GIMAP8: variants seen among roughly 807,000 people sequenced by gnomAD.
GIMAP8 encodes GTPase, IMAP family member 8.
In GIMAP8, 29 loss-of-function variants were observed where a neutral mutation model predicts 35.6. That is an observed-to-expected ratio of 0.81 (90% CI 0.61 to 1.11). The LOEUF is 1.11. GIMAP8 is among the 50% of genes most tolerant of loss of function. GIMAP8 has a pLI of 0.00. For missense variants in GIMAP8, 811 were observed against 805.0 expected, an observed-to-expected ratio of 1.01 and a Z score of -0.09; for synonymous variants, 335 against 308.7, an observed-to-expected ratio of 1.09 and a Z score of -0.89.
intron 1 of GIMAP8, among the ~76,000 whole-genome samples, chr7:150,458,152 G>T (rs1011119584): frequency 6.6e-6 from 1 of 152,214 alleles, no homozygotes; most frequent in Non-Finnish European, 1.5e-5. Context: ...GTGTGTGTGT[G>T]TGTGTGTATG....
At position 150,474,262 on chromosome 7, in the gene GIMAP8, C is replaced by A. The variant is rs1802170433; in HGVS notation, c.933C>A (p.Asn311Lys). The A allele has an allele frequency of 6.2e-7, 1 of 1,614,064 alleles. No individual in the cohort carries two copies. Among genetic ancestry groups the A allele is most frequent in the Admixed American group, 1.7e-5 (1 of 59,996 alleles). The change falls in exon 4 of 5, where the codon AAC becomes AAA. Residue 311 changes from asparagine (N) to lysine (K), a missense_variant. Physicochemically the swap from Asn to Lys is moderately conservative, Grantham distance 94. Coordinates refer to ENST00000307271, the MANE Select transcript of GIMAP8 (RefSeq NM_175571.4). ...IDAPDISSLK[N>K]IDSEVRKHIC... is the part of the protein sequence containing the mutation. ...CTCCGGACATCTCATCTTTAAAGAA[C>A]ATTGACTCAGAAGTTAGAAAACACA...
Position 150,477,603 on chromosome 7 carries a change from C to A in GIMAP8, c.1821C>A (p.Gly607=), listed in dbSNP as rs765406681. ...RVCAFNNKET[G]QAQETQVKAL... is the part of the protein sequence containing the mutation. ...GTGCTTTTAACAACAAAGAAACAGGCCAGGCCCAGGAAACCCAGGTGAAAG... is the reference window on the plus strand; with the variant it reads ...GTGCTTTTAACAACAAAGAAACAGGACAGGCCCAGGAAACCCAGGTGAAAG... Residue 607 remains glycine (G), a synonymous_variant, in exon 5 of 5, where the codon GGC becomes GGA. Coordinates refer to ENST00000307271, the MANE Select transcript of GIMAP8 (RefSeq NM_175571.4). 1 of 1,614,158 alleles carries A rather than the reference C, an allele frequency of 6.2e-7. No individual in the cohort carries two copies. The highest frequency in any genetic ancestry group is 8.5e-7 in the Non-Finnish European group (1 of 1,180,034).
chr7:150,452,949 C>T (rs1210851933), intron 1 of GIMAP8, among the ~76,000 whole-genome samples: 1 of 151,262 alleles, frequency 6.6e-6, no homozygotes, highest in Non-Finnish European at 1.5e-5. Context: ...CTCCTGTGAT[C>T]GTTCATTCCT....
intron 1 of GIMAP8, 70 bp from the exon 2 acceptor site, chr7:150,466,601 T>C (rs959648938): frequency 2.9e-6 from 4 of 1,368,456 alleles, no homozygotes; most frequent in Non-Finnish European, 4.0e-6. Context: ...AGAGAATGTC[T>C]TTTCTTGCTG....
At chr7:150,467,634 T>C (rs975431147) in intron 2 of GIMAP8, among the ~76,000 whole-genome samples, 2 of 152,214 alleles carry the variant, frequency 1.3e-5, no homozygotes, top group African/African-American at 4.8e-5. Flanking sequence ...CTGACTTCAA[T>C]ATAATTGCCC....
chr7:150,474,718 CTTT>C (rs567749757), intron 4 of GIMAP8, 80 bp downstream of exon 4: 25 of 887,782 alleles, frequency 2.8e-5, no homozygotes, highest in Non-Finnish European at 3.8e-5. Flanking sequence ...TTTTTATTTT[CTTT>C]TTTTTCTTTT....
intron 4 of GIMAP8, among the ~76,000 whole-genome samples, chr7:150,475,754 G>C (rs1802214734): frequency 1.3e-5 from 2 of 152,216 alleles, no homozygotes. Flanking sequence ...GTCAGGAGAG[G>C]CTTTGTGTAG....
chr7:150,474,433 T>A lies in GIMAP8; in HGVS notation c.1104T>A (p.Asp368Glu). 6.2e-7 allele frequency: 1 copy of A among 1,613,578 alleles called. No individual in the cohort carries two copies. Among genetic ancestry groups the A allele is most frequent in the Non-Finnish European group, 8.5e-7 (1 of 1,179,586 alleles). ...YMIILLTRKE[D>E]LGDQDLDTFL... ...TCATACTTCTTACCAGGAAAGAAGA[T>A]TTAGGGGATCAGGATCTAGATACGT... Residue 368 changes from aspartate to glutamate, a missense_variant, in exon 4 of 5, where the codon GAT (aspartate) becomes GAA (glutamate). By Grantham distance (45) the Asp-to-Glu change is conservative. Coordinates refer to ENST00000307271, the MANE Select transcript of GIMAP8 (RefSeq NM_175571.4).
In GIMAP8 at chr7:150,474,261, A is replaced by G. The variant is rs1172539544; in HGVS notation, c.932A>G (p.Asn311Ser). Residue 311 changes from asparagine (N) to serine (S), a missense_variant, in exon 4 of 5, where the codon AAC becomes AGC. Physicochemically the swap from Asn to Ser is conservative, Grantham distance 46 (BLOSUM62 1). Coordinates refer to ENST00000307271, the MANE Select transcript of GIMAP8 (RefSeq NM_175571.4). ...GCTCCGGACATCTCATCTTTAAAGAACATTGACTCAGAAGTTAGAAAACAC... is the reference window on the plus strand; with the variant it reads ...GCTCCGGACATCTCATCTTTAAAGAGCATTGACTCAGAAGTTAGAAAACAC... The part of the protein sequence containing the change: ...IDAPDISSLK[N>S]IDSEVRKHIC... 6.2e-7 allele frequency: 1 copy of G among 1,614,088 alleles called. No homozygotes were observed. The highest frequency in any genetic ancestry group is 1.3e-5 in the African/African-American group (1 of 74,930).
rs545430905 is a variant in GIMAP8 at position 150,472,989 on chromosome 7, C to T, written c.683-1023C>T. ...TTTCCTTTAGTCTTTTCAACCTCAA[C>T]GTGGGCATTAGATTCCCATTCTACC... On this transcript the variant is annotated intron_variant, in intron 3 of 4. Coordinates refer to ENST00000307271, the MANE Select transcript of GIMAP8 (RefSeq NM_175571.4). The surrounding 1 kb of genome is among the most constrained non-coding windows in gnomAD (Gnocchi z 4.1). Among the ~76,000 whole-genome samples the T allele has an allele frequency of 5.9e-4, 90 of 152,312 alleles. No homozygotes were observed. Among genetic ancestry groups the T allele is most frequent in the African/African-American group, 2.1e-3 (87 of 41,556 alleles).
chr7:150,474,616 G>T lies in GIMAP8; in HGVS notation c.1287G>T (p.Lys429Asn). 6.3e-7 allele frequency: 1 copy of T among 1,596,456 alleles called. No homozygotes were observed. The highest frequency in any genetic ancestry group is 8.5e-7 in the Non-Finnish European group (1 of 1,174,482). ...GCATGGTGCATCAGAATGGGAACAA[G>T]CATTGTGTTTTCAGAGAAAAAGGTA... ...IESMVHQNGN[K>N]HCVFREKETL... is the part of the protein sequence containing the mutation. Residue 429 changes from lysine to asparagine, a missense_variant, in exon 4 of 5, where the codon AAG becomes AAT. By Grantham distance (94) the Lys-to-Asn change is moderately conservative (BLOSUM62 0). Coordinates refer to ENST00000307271, the MANE Select transcript of GIMAP8 (RefSeq NM_175571.4).
rs1280141499 is a variant in GIMAP8, at chr7:150,477,396, T to G, written c.1614T>G (p.Thr538=). The G allele has an allele frequency of 2.2e-5, 35 of 1,614,068 alleles. No individual in the cohort carries two copies. The highest frequency in any genetic ancestry group is 2.9e-5 in the Non-Finnish European group (34 of 1,180,044). Residue 538 remains threonine, a synonymous_variant, in exon 5 of 5, where the codon ACT becomes ACG. Transcript: ENST00000307271. ...TGGTGTTCCAGCTGGGACGATTCAC[T>G]GAAGAGGACAAAACAGCTGTGGCGA... ...FVLVFQLGRF[T]EEDKTAVAKL...
chr7:150,452,319 A>T (rs114727823), intron 1 of GIMAP8, among the ~76,000 whole-genome samples: 1 of 150,272 alleles, frequency 6.7e-6, no homozygotes, highest in Non-Finnish European at 1.5e-5. Context: ...GCGTGTGTGT[A>T]TGTGGGTGTG....
rs1289907167 is a variant in GIMAP8, at chr7:150,468,935, C to T, written c.636+1601C>T. On this transcript the variant is annotated intron_variant, in intron 2 of 4. Transcript: ENST00000307271. Reference sequence around the variant, plus strand: ...GCTCTCTTATCTCCTAGCCTGAGTGCTCCCTCCTCTGTGACAATCTGTCTC... The same window carrying T: ...GCTCTCTTATCTCCTAGCCTGAGTGTTCCCTCCTCTGTGACAATCTGTCTC... Among the ~76,000 whole-genome samples the T allele has an allele frequency of 5.9e-5, 9 of 152,114 alleles. No homozygotes were observed. In the East Asian group the frequency reaches 9.6e-4, roughly 16 times the overall value.
rs775167659 is a variant in GIMAP8 at position 150,477,461 on chromosome 7, C to A, written c.1679C>A (p.Ala560Glu). 5 of 1,614,000 alleles carry A rather than the reference C, an allele frequency of 3.1e-6. No homozygotes were observed. Among genetic ancestry groups the A allele is most frequent in the Non-Finnish European group, 4.2e-6 (5 of 1,179,922 alleles). ...TTTGGAGCAGACTTTACGAAATACG[C>A]GATTATGCTGTTCACCCGGAAGGAA... ...AIFGADFTKYAIMLFTRKEDL... is the reference protein window; with the variant it reads ...AIFGADFTKYEIMLFTRKEDL... Residue 560 changes from alanine to glutamate, a missense_variant, in exon 5 of 5, where the codon GCG (alanine) becomes GAG (glutamate). Physicochemically the swap from Ala to Glu is moderately radical, Grantham distance 107. Transcript: ENST00000307271.
intron 4 of GIMAP8, 57 bp from the exon 5 acceptor site, chr7:150,477,035 A>G: frequency 7.1e-7 from 1 of 1,401,926 alleles, no homozygotes; most frequent in Non-Finnish European, 9.9e-7. Flanking sequence ...GGATAACTTT[A>G]AAATCCAATT....
intron 4 of GIMAP8, 47 bp from the exon 5 acceptor site, chr7:150,477,045 T>G: frequency 6.8e-7 from 1 of 1,466,250 alleles, no homozygotes; most frequent in South Asian, 1.2e-5. Flanking sequence ...AAAATCCAAT[T>G]TCAGATCAGC....
Position 150,467,154 on chromosome 7 carries a change from A to G in GIMAP8, c.456A>G (p.Lys152=). The G allele has an allele frequency of 6.2e-7, 1 of 1,614,112 alleles. No homozygotes were observed. The highest frequency in any genetic ancestry group is 1.1e-5 in the South Asian group (1 of 91,072). The change falls in exon 2 of 5, where the codon AAA becomes AAG. Residue 152 remains lysine (K), a synonymous_variant. Transcript: ENST00000307271. ...DLLQDFIEKN[K]PLKQLVQDYE... ...TGCAAGATTTCATTGAAAAAAACAA[A>G]CCTCTCAAGCAGTTGGTTCAAGACT...
chr7:150,477,242 AGGAGGT>A lies in GIMAP8; in HGVS notation c.1463_1468del (p.Glu488_Val489del). On this transcript the variant is annotated inframe_deletion, in exon 5 of 5. Transcript: ENST00000307271. ...AGTGGCAGGAGGACATGGGACGGAC[AGGAGGT>A]GGTGGTTGTGGACACTCCTTCCTTC... The A allele has an allele frequency of 6.2e-7, 1 of 1,614,094 alleles. No individual in the cohort carries two copies.
Sources: gnomAD v4.1 joint callset for allele counts (sites outside exome capture counted in the v4.1 genomes callset) on GRCh38, gnomAD v4.1.1 for gene constraint, Gnocchi (gnomAD v3.1) non-coding constraint, MANE v1.5 for transcripts, NCBI Gene and HGNC (gene_info 2026-07-23, HGNC 2026-07-21) for gene names.